AGRN: variants seen among roughly 807,000 people sequenced by gnomAD.
The protein encoded by AGRN is agrin proteoglycan.
AGRN carries 106 observed loss-of-function variants against 211.0 expected under a neutral mutation model. The ratio of observed to expected loss-of-function variants is 0.50; its 90% confidence interval spans 0.43 to 0.59. The LOEUF (loss-of-function observed/expected upper bound fraction) is 0.59. AGRN is among the 20% of genes least tolerant of loss of function. The pLI is 0.00. For missense variants in AGRN, 3,040 were observed against 2,982.6 expected (o/e 1.02, Z -0.45); for synonymous variants, 1,525 against 1,332.5 (o/e 1.14, Z -3.15).
At position 1,045,231 on chromosome 1, in the gene AGRN, G is replaced by A. The variant is rs1645056857; in HGVS notation, c.2325G>A (p.Gln775=). The A allele has an allele frequency of 1.2e-6, 2 of 1,612,422 alleles. No homozygotes were observed. Among genetic ancestry groups the A allele is most frequent in the African/African-American group, 1.3e-5 (1 of 75,054 alleles). Residue 775 remains glutamine (Q), a synonymous_variant, in exon 13 of 36, where the codon CAG becomes CAA. Coordinates refer to ENST00000379370, the MANE Select transcript of AGRN (RefSeq NM_198576.4). ...HCAQTPYGCC[Q]DNITAARGVG... ...CCCAGACGCCCTACGGCTGCTGCCA[G>A]GACAATATCACCGCAGCCCGGGGCG...
At chr1:1,051,049 G>C in intron 30 of AGRN, 1 of 1,549,054 alleles carries the variant, frequency 6.5e-7, no homozygotes. Context: ...GCAAGGTACT[G>C]TCGGCCTCTC....
chr1:1,055,073 C>G lies in AGRN; in HGVS notation c.*92C>G. On this transcript the variant is annotated 3_prime_UTR_variant, in exon 36 of 36. Transcript: ENST00000379370. ...ATGATTTTCTTGCCTGAGTGTTGGCCGGAGGGACTGCTGGCCCGGCCTCCC... is the reference window on the plus strand; with the variant it reads ...ATGATTTTCTTGCCTGAGTGTTGGCGGGAGGGACTGCTGGCCCGGCCTCCC... The G allele has an allele frequency of 6.6e-7, 1 of 1,518,792 alleles. No individual in the cohort carries two copies. The highest frequency in any genetic ancestry group is 8.8e-7 in the Non-Finnish European group (1 of 1,132,556). 94.1% of individuals were successfully genotyped at this position (1,518,792 alleles called of 1,614,324 possible).
chr1:1,043,185 G>C, intron 7 of AGRN, 54 bp from the exon 8 acceptor site: 2 of 1,548,292 alleles, frequency 1.3e-6, no homozygotes, highest in South Asian at 2.4e-5. Context: ...TGGGGGCTTT[G>C]CCTGCAGCGG....
Position 1,032,100 on chromosome 1 carries a change from G to A in AGRN, c.464-3177G>A, listed in dbSNP as rs1644688240. Among the ~76,000 whole-genome samples the A allele has an allele frequency of 6.6e-6, 1 of 152,216 alleles. No individual in the cohort carries two copies. Among genetic ancestry groups the A allele is most frequent in the Non-Finnish European group, 1.5e-5 (1 of 68,036 alleles). ...GGTCCAGCAGGGTGGGGTGGTTGGG[G>A]TAGGAGCTCCCCTGAGGAGAGAGTG... On this transcript the variant is annotated intron_variant, in intron 2 of 35. Coordinates refer to ENST00000379370, the MANE Select transcript of AGRN (RefSeq NM_198576.4). This position sits in a 1 kb window ranked among gnomAD's most constrained non-coding sequence, Gnocchi z 4.7.
Position 1,055,374 on chromosome 1 carries a change from C to T in AGRN, c.*393C>T. ...GGGGCCCTTCCTCCGGGTGACCCCA[C>T]AGGGCCTTTCCAAGCCCCCATTTGA... On this transcript the variant is annotated 3_prime_UTR_variant, in exon 36 of 36. Transcript: ENST00000379370. The T allele has an allele frequency of 2.8e-6, 1 of 353,842 alleles. No homozygotes were observed. The highest frequency in any genetic ancestry group is 3.9e-5 in the Admixed American group (1 of 25,476). 21.9% of individuals were successfully genotyped at this position (353,842 alleles called of 1,614,324 possible).
At position 1,049,662 on chromosome 1, in the gene AGRN, G is replaced by T; in HGVS notation, c.4611G>T (p.Gly1537=). The T allele has an allele frequency of 6.3e-7, 1 of 1,580,382 alleles. No homozygotes were observed. Among genetic ancestry groups the T allele is most frequent in the Non-Finnish European group, 8.6e-7 (1 of 1,164,234 alleles). ...GCCTGGAGCTTGGCATTGGGCCGGG[G>T]GCTGCCACCCGAGGCTCTGGCGTGG... The part of the protein sequence containing the change: ...NQRLELGIGP[G]AATRGSGVGE... Residue 1537 remains glycine (G), a synonymous_variant, in exon 26 of 36, where the codon GGG becomes GGT. Transcript: ENST00000379370.
chr1:1,050,621 C>T (rs760139389), intron 29 of AGRN, 30 bp downstream of exon 29: 1 of 1,605,248 alleles, frequency 6.2e-7, no homozygotes, highest in Non-Finnish European at 8.5e-7. Context: ...TCTGGGAGGC[C>T]TGGGGCACTG....
rs943561498 is a variant in AGRN, at chr1:1,034,668, C to T, written c.464-609C>T. The stretch of plus-strand genomic sequence containing the variant: ...TGCCTGATCCTGCTGGCCACCGCCA[C>T]GCTCGGCTTCGCGGTGCTGCTGTTC... On this transcript the variant is annotated intron_variant, in intron 2 of 35. Coordinates refer to ENST00000379370, the MANE Select transcript of AGRN (RefSeq NM_198576.4). 10 of 989,142 alleles carry T rather than the reference C, an allele frequency of 1.0e-5. No homozygotes were observed. In the East Asian group the frequency reaches 7.8e-4, roughly 77 times the overall value. 61.3% of individuals were successfully genotyped at this position (989,142 alleles called of 1,614,324 possible).
chr1:1,021,492 C>T (rs1033476031), intron 1 of AGRN, among the ~76,000 whole-genome samples: 1 of 152,374 alleles, frequency 6.6e-6, no homozygotes, highest in South Asian at 2.1e-4. Flanking sequence ...ATCCGGCAGC[C>T]CCAGCCCCCC....
Position 1,035,074 on chromosome 1 carries a change from G to A in AGRN, c.464-203G>A, listed in dbSNP as rs1233311837. On this transcript the variant is annotated intron_variant, in intron 2 of 35. Coordinates refer to ENST00000379370, the MANE Select transcript of AGRN (RefSeq NM_198576.4). ...TCAGGCCATGACTATTTGGCTGGAG[G>A]GGCAGAGAAAAGCAGGGGCCTCTGT... 5 of 660,622 alleles carry A rather than the reference G, an allele frequency of 7.6e-6. No individual in the cohort carries two copies. In the East Asian group the frequency reaches 8.2e-5, roughly 11 times the overall value. The allele number at this position is 660,622 out of a possible 1,614,324, so 40.9% of individuals were successfully genotyped here.
At position 1,049,414 on chromosome 1, in the gene AGRN, C is replaced by T. The variant is rs138526997; in HGVS notation, c.4477C>T (p.Leu1493Phe). The T allele has an allele frequency of 2.4e-4, 377 of 1,599,078 alleles. No homozygotes were observed. Among genetic ancestry groups the T allele is most frequent in the Non-Finnish European group, 3.1e-4 (364 of 1,179,758 alleles). ...GTDGLNLDTD[L>F]FVGGVPEDQA... ...CGACGGCCTCAACCTGGACACAGAC[C>T]TCTTTGTGGGCGGCGTACCCGAGGA... The change falls in exon 25 of 36, where the codon CTC becomes TTC. Residue 1493 changes from leucine (L) to phenylalanine (F), a missense_variant. By Grantham distance (22) the Leu-to-Phe change is conservative. This residue lies in a region of AGRN where 1,537 missense variants were observed against 1,505.0 expected (regional missense o/e 1.02). Transcript: ENST00000379370.
chr1:1,050,073 G>C (rs780861647), intron 27 of AGRN, 36 bp downstream of exon 27: 23 of 1,518,896 alleles, frequency 1.5e-5, no homozygotes, highest in Middle Eastern at 2.3e-4. Context: ...AGGGGGGGGG[G>C]GGGGGTTGAA....
rs184556274 is a variant in AGRN at position 1,043,985 on chromosome 1, C to T, written c.1961C>T (p.Thr654Ile). ...ELREAACLQQ[T>I]QIEEARAGPC... ...CGGGAAGCCGCCTGCCTCCAGCAGA[C>T]ACAGATCGAGGAGGCCCGGGCAGGG... Residue 654 changes from threonine to isoleucine, a missense_variant, in exon 10 of 36, where the codon ACA becomes ATA. Thr to Ile is a moderately conservative substitution (Grantham distance 89, BLOSUM62 -1). This residue lies in a region of AGRN where 1,498 missense variants were observed against 1,457.8 expected (regional missense o/e 1.03). Coordinates refer to ENST00000379370, the MANE Select transcript of AGRN (RefSeq NM_198576.4). The T allele has an allele frequency of 3.7e-6, 6 of 1,606,786 alleles. No homozygotes were observed. In the African/African-American group the frequency reaches 6.7e-5, roughly 18 times the overall value.
At position 1,055,667 on chromosome 1, in the gene AGRN, G is replaced by A. The variant is rs994773511; in HGVS notation, c.*686G>A. On this transcript the variant is annotated 3_prime_UTR_variant, in exon 36 of 36. Transcript: ENST00000379370. ...GGGCTATCGAGAGGAGCTCACTGTG[G>A]GATGGGGTTGACCTCTGCCGCCTGC... 1.3e-5 allele frequency: 2 copies of A among 158,478 alleles called. No individual in the cohort carries two copies. The highest frequency in any genetic ancestry group is 1.2e-4 in the Admixed American group (2 of 16,722). The allele number at this position is 158,478 out of a possible 1,614,324, so 9.8% of individuals were successfully genotyped here.
At chr1:1,050,394 C>T in intron 28 of AGRN, 33 bp from the exon 29 acceptor site, 1 of 1,612,750 alleles carries the variant, frequency 6.2e-7, no homozygotes, top group East Asian at 2.2e-5. Flanking sequence ...GGGGAGGGGA[C>T]AGCAAAGACA....
chr1:1,047,921 C>T, intron 22 of AGRN, 26 bp downstream of exon 22: 1 of 1,603,298 alleles, frequency 6.2e-7, no homozygotes, highest in Non-Finnish European at 8.5e-7. Flanking sequence ...CGAGCCACAG[C>T]TTACCTGCCC....
chr1:1,050,663 G>T, intron 29 of AGRN, 63 bp from the exon 30 acceptor site: 1 of 1,604,982 alleles, frequency 6.2e-7, no homozygotes. Flanking sequence ...AGGTCGCTCA[G>T]GCCCTGGGTG....
At chr1:1,054,353 C>T in intron 34 of AGRN, 95 bp from the exon 35 acceptor site, 1 of 1,175,146 alleles carries the variant, frequency 8.5e-7, no homozygotes, top group African/African-American at 1.5e-5. Context: ...CAGGCTGAGG[C>T]ACCTGCAGGG....
In AGRN at chr1:1,054,853, G is replaced by C; in HGVS notation, c.6010G>C (p.Ala2004Pro). Reference sequence around the variant, plus strand: ...CCTGCCGGAGCTGCCCGTGGGCCCAGCACTGCCCAAGGCCTACGGCACAGG... The same window carrying C: ...CCTGCCGGAGCTGCCCGTGGGCCCACCACTGCCCAAGGCCTACGGCACAGG... ...GGLPELPVGP[A>P]LPKAYGTGFV... Residue 2004 changes from alanine (A) to proline (P), a missense_variant, in exon 36 of 36, where the codon GCA becomes CCA. Coordinates refer to ENST00000379370, the MANE Select transcript of AGRN (RefSeq NM_198576.4). 1.9e-6 allele frequency: 3 copies of C among 1,560,060 alleles called. No homozygotes were observed. Among genetic ancestry groups the C allele is most frequent in the Non-Finnish European group, 2.6e-6 (3 of 1,153,816 alleles).
Sources: allele counts gnomAD v4.1 joint callset (sites outside exome capture counted in the v4.1 genomes callset), GRCh38; gene constraint gnomAD v4.1.1; regional missense constraint gnomAD v4.1.1; non-coding constraint Gnocchi (gnomAD v3.1); transcripts MANE v1.5; gene names NCBI Gene and HGNC (gene_info 2026-07-23, HGNC 2026-07-21).